SLCO5A1: variants seen among roughly 807,000 people sequenced by gnomAD.
The protein encoded by SLCO5A1 is organic anion transporter polypeptide-related protein 4.
In SLCO5A1, 39 loss-of-function variants were observed where a neutral mutation model predicts 65.1. That is an observed-to-expected ratio of 0.60 (90% CI 0.46 to 0.78). The LOEUF is 0.78. SLCO5A1 is among the 30% of genes least tolerant of loss of function. The pLI is 0.00. For missense variants in SLCO5A1, 1,029 were observed against 1,069.4 expected (o/e 0.96, Z 0.53); for synonymous variants, 438 against 415.7 (o/e 1.05, Z -0.65).
chr8:69,780,808 A>G (rs1818760157), intron 2 of SLCO5A1, among the ~76,000 whole-genome samples: 1 of 152,166 alleles, frequency 6.6e-6, no homozygotes, highest in Non-Finnish European at 1.5e-5. Flanking sequence ...CTTGTAACCC[A>G]TAAATTTATA....
intron 2 of SLCO5A1, among the ~76,000 whole-genome samples, chr8:69,800,108 A>G (rs1586814413): frequency 6.6e-6 from 1 of 151,984 alleles, no homozygotes; most frequent in Non-Finnish European, 1.5e-5. Context: ...CCTATTTCAG[A>G]TTTTACATTA....
chr8:69,750,443 A>G (rs558551270), intron 4 of SLCO5A1, among the ~76,000 whole-genome samples: 2 of 152,208 alleles, frequency 1.3e-5, no homozygotes, highest in South Asian at 4.2e-4. Flanking sequence ...CCCCGTTAGA[A>G]AAGAAATCGA....
chr8:69,757,529 A>G (rs1035532254), intron 3 of SLCO5A1, among the ~76,000 whole-genome samples: 2 of 151,986 alleles, frequency 1.3e-5, no homozygotes, highest in African/African-American at 4.8e-5. Flanking sequence ...AAATACAAAA[A>G]TTAGCCAGGC....
Position 69,833,036 on chromosome 8 carries a change from A to G in SLCO5A1, c.-363T>C. ...CGCCGCCGCTGGGCCCGCGGCCAGG[A>G]GCGAGTGCACCCTGCGCCGGGGGTG... is the stretch of plus-strand genomic sequence containing the variant. On this transcript the variant is annotated 5_prime_UTR_variant, in exon 2 of 10. Coordinates refer to ENST00000260126, the MANE Select transcript of SLCO5A1 (RefSeq NM_030958.3). The G allele has an allele frequency of 3.5e-6, 1 of 289,490 alleles. No homozygotes were observed. The highest frequency in any genetic ancestry group is 6.2e-6 in the Non-Finnish European group (1 of 161,502). 17.9% of individuals were successfully genotyped at this position (289,490 alleles called of 1,614,324 possible).
At chr8:69,688,933 A>C (rs1394451689) in intron 6 of SLCO5A1, among the ~76,000 whole-genome samples, 1 of 152,014 alleles carries the variant, frequency 6.6e-6, no homozygotes, top group Non-Finnish European at 1.5e-5. Flanking sequence ...ACCATGGTTG[A>C]ACTAGTTTAC....
At chr8:69,715,510 G>A (rs28618348) in intron 5 of SLCO5A1, among the ~76,000 whole-genome samples, 5,577 of 152,206 alleles carry the variant, frequency 0.037, 116 homozygotes, top group South Asian at 0.056. Flanking sequence ...CTTTTCCATC[G>A]AGACAGTTCA....
chr8:69,821,490 G>A (rs926812683), intron 2 of SLCO5A1, among the ~76,000 whole-genome samples: 3 of 151,848 alleles, frequency 2.0e-5, no homozygotes, highest in African/African-American at 7.3e-5. Context: ...AGGAGAAGAA[G>A]AAGAAAAGAA....
intron 5 of SLCO5A1, 122 bp from the exon 6 acceptor site, chr8:69,705,351 T>A: frequency 1.3e-6 from 1 of 748,842 alleles, no homozygotes. Flanking sequence ...AATCAATACA[T>A]CTTCATTGTG....
chr8:69,690,636 C>T (rs1296702081), intron 6 of SLCO5A1, among the ~76,000 whole-genome samples: 1 of 152,180 alleles, frequency 6.6e-6, no homozygotes, highest in African/African-American at 2.4e-5. Context: ...AATTAACAGA[C>T]TGTATTTATT....
chr8:69,826,182 A>C (rs1000479227), intron 2 of SLCO5A1, among the ~76,000 whole-genome samples: 2 of 152,158 alleles, frequency 1.3e-5, no homozygotes, highest in African/African-American at 2.4e-5. Flanking sequence ...AAACCCTAGA[A>C]GAAAACCTAG....
At chr8:69,792,614 C>A (rs1819319860) in intron 2 of SLCO5A1, among the ~76,000 whole-genome samples, 1 of 152,134 alleles carries the variant, frequency 6.6e-6, no homozygotes, top group South Asian at 2.1e-4. Flanking sequence ...ATAGTCCAGA[C>A]ATGAAGTGGT....
intron 2 of SLCO5A1, among the ~76,000 whole-genome samples, chr8:69,809,130 T>A (rs942636594): frequency 1.3e-5 from 2 of 152,034 alleles, no homozygotes; most frequent in Non-Finnish European, 2.9e-5. Context: ...AAAGAATTCA[T>A]AATAAAGCAA....
chr8:69,683,796 C>T (rs951298710), intron 6 of SLCO5A1, among the ~76,000 whole-genome samples: 3 of 152,248 alleles, frequency 2.0e-5, no homozygotes, highest in Middle Eastern at 3.4e-3. Context: ...CTCCTAACCT[C>T]GTGATCCACT....
chr8:69,716,056 C>T (rs968686448), intron 5 of SLCO5A1, among the ~76,000 whole-genome samples: 6 of 152,052 alleles, frequency 3.9e-5, no homozygotes, highest in African/African-American at 1.5e-4. Flanking sequence ...CTGTTTGAGA[C>T]CTTTCATATA....
intron 5 of SLCO5A1, among the ~76,000 whole-genome samples, chr8:69,715,307 C>G (rs1162365954): frequency 6.6e-6 from 1 of 152,190 alleles, no homozygotes; most frequent in African/African-American, 2.4e-5. Context: ...TTTCAGCTAT[C>G]AAAATAAGCC....
chr8:69,722,955 A>G (rs1815897228), intron 5 of SLCO5A1, among the ~76,000 whole-genome samples: 2 of 152,182 alleles, frequency 1.3e-5, no homozygotes, highest in African/African-American at 4.8e-5. Context: ...AATATATGAG[A>G]CTATAGTAAA....
rs138003405 is a variant in SLCO5A1 at position 69,739,588 on chromosome 8, A to C, written c.1259-1384T>G. 1.7e-3 allele frequency among the ~76,000 whole-genome samples: 263 copies of C among 152,306 alleles called. 1 individual carries two copies. The highest frequency in any genetic ancestry group is 5.5e-3 in the African/African-American group (229 of 41,584). On this transcript the variant is annotated intron_variant, in intron 4 of 9. Transcript: ENST00000260126. ...AGAATTTGTATTAAAGCTATAATTC[A>C]TAGCCTCCTGTTGACCAAAATTTGA...
Position 69,711,603 on chromosome 8 carries a change from T to C in SLCO5A1, c.1424-6374A>G, listed in dbSNP as rs141993278. On this transcript the variant is annotated intron_variant, in intron 5 of 9. Coordinates refer to ENST00000260126, the MANE Select transcript of SLCO5A1 (RefSeq NM_030958.3). ...AGAGAACCCAACGCAATTCCATATGTTCAAGAGGCAGATCCAGGTAAGAGT... is the reference window on the plus strand; with the variant it reads ...AGAGAACCCAACGCAATTCCATATGCTCAAGAGGCAGATCCAGGTAAGAGT... Among the ~76,000 whole-genome samples the C allele has an allele frequency of 6.7e-3, 1,018 of 152,276 alleles. 5 individuals are homozygous for C. The highest frequency in any genetic ancestry group is 0.011 in the Non-Finnish European group (765 of 68,018).
intron 2 of SLCO5A1, among the ~76,000 whole-genome samples, chr8:69,791,265 G>GA (rs1264362666): frequency 6.6e-6 from 1 of 152,174 alleles, no homozygotes; most frequent in East Asian, 1.9e-4. Flanking sequence ...CAAAGGAGCA[G>GA]AAACTGGGGG....
Sources: allele counts gnomAD v4.1 joint callset (sites outside exome capture counted in the v4.1 genomes callset), GRCh38; gene constraint gnomAD v4.1.1; transcripts MANE v1.5; gene names NCBI Gene and HGNC (gene_info 2026-07-23, HGNC 2026-07-21).